The following ZFHX3 variants were observed in gnomAD, a reference collection of about 807,000 sequenced individuals.
ZFHX3 encodes the protein zinc finger homeobox protein 3.
A neutral mutation model predicts 279.1 loss-of-function variants in ZFHX3; 42 were observed. The ratio of observed to expected loss-of-function variants is 0.15; its 90% CI spans 0.12 to 0.19. The LOEUF is 0.19. Among genes scored for constraint, ZFHX3 ranks in the 10% least tolerant of loss-of-function variants. The pLI, the probability that ZFHX3 is intolerant of heterozygous loss-of-function variation, is 1.00. For missense variants in ZFHX3, 4,981 were observed against 4,754.0 expected (o/e 1.05, Z -1.40); for synonymous variants, 2,293 against 1,957.8 (o/e 1.17, Z -4.52).
chr16:73,824,279 A>G lies in ZFHX3; in HGVS notation c.-1608+67372T>C, dbSNP rs78448235. ...TTATCAGGACAGAGTTGCTTGAAGC[A>G]TAGCGTGAGAAACACTGGTCTGAAC... On this transcript the variant is annotated intron_variant, in intron 1 of 17. Coordinates refer to the ZFHX3 transcript ENST00000641206. 2.5e-3 allele frequency among the ~76,000 whole-genome samples: 374 copies of G among 152,208 alleles called. 3 individuals are homozygous for G. Among genetic ancestry groups the G allele is most frequent in the African/African-American group, 8.5e-3 (352 of 41,526 alleles).
chr16:73,544,742 A>G (rs948142181), intron 2 of ZFHX3, among the ~76,000 whole-genome samples: 7 of 152,076 alleles, frequency 4.6e-5, no homozygotes, highest in Non-Finnish European at 1.0e-4. Flanking sequence ...GAAGAATGCC[A>G]GGTAAAGGTG....
chr16:73,638,450 C>T (rs190120100), intron 2 of ZFHX3, among the ~76,000 whole-genome samples: 1 of 152,220 alleles, frequency 6.6e-6, no homozygotes, highest in East Asian at 1.9e-4. Flanking sequence ...TTTAGACATA[C>T]AGTATAAAGG....
chr16:72,966,605 C>G (rs1289673884), intron 1 of ZFHX3, among the ~76,000 whole-genome samples: 1 of 152,174 alleles, frequency 6.6e-6, no homozygotes. Flanking sequence ...CAGGGAATCT[C>G]CTAAGAGAGA....
chr16:73,712,619 T>G (rs921105074), intron 1 of ZFHX3, among the ~76,000 whole-genome samples: 1 of 152,156 alleles, frequency 6.6e-6, no homozygotes, highest in South Asian at 2.1e-4. Context: ...CAGGTGGCCA[T>G]GTCTGGAAGC....
At chr16:73,392,946 C>T (rs530741334) in intron 3 of ZFHX3, among the ~76,000 whole-genome samples, 42 of 152,258 alleles carry the variant, frequency 2.8e-4, no homozygotes, top group African/African-American at 8.4e-4. Context: ...GTCATTCTCC[C>T]GCCTCAGCCT....
intron 5 of ZFHX3, among the ~76,000 whole-genome samples, chr16:73,150,949 T>C (rs943110171): frequency 6.6e-6 from 1 of 152,126 alleles, no homozygotes; most frequent in Non-Finnish European, 1.5e-5. Flanking sequence ...GAAACCGGCA[T>C]CACTCAAACA....
At chr16:72,907,615 T>C (rs1234560823) in intron 3 of ZFHX3, among the ~76,000 whole-genome samples, 30 of 143,724 alleles carry the variant, frequency 2.1e-4, no homozygotes, top group African/African-American at 6.9e-4. Flanking sequence ...GTTGTGTGTA[T>C]GCACACAGGT....
intron 3 of ZFHX3, among the ~76,000 whole-genome samples, chr16:73,319,529 C>A (rs560643891): frequency 6.6e-6 from 1 of 151,690 alleles, no homozygotes; most frequent in Non-Finnish European, 1.5e-5. Flanking sequence ...CATGGAGTCC[C>A]GCTGGGGGAA....
At chr16:73,543,474 G>T (rs2020052922) in intron 2 of ZFHX3, among the ~76,000 whole-genome samples, 1 of 152,066 alleles carries the variant, frequency 6.6e-6, no homozygotes, top group Admixed American at 6.5e-5. Flanking sequence ...TGGAGGCACC[G>T]GCAGGGCCTG....
chr16:73,077,858 G>A (rs1256183425), intron 8 of ZFHX3, among the ~76,000 whole-genome samples: 1 of 152,198 alleles, frequency 6.6e-6, no homozygotes, highest in Non-Finnish European at 1.5e-5. Context: ...AGGCTGAAGT[G>A]CAATGACGTG....
intron 7 of ZFHX3, among the ~76,000 whole-genome samples, chr16:73,130,803 T>A (rs577921691): frequency 6.6e-6 from 1 of 152,352 alleles, no homozygotes; most frequent in African/African-American, 2.4e-5. Flanking sequence ...AGACAGGGTT[T>A]CGCCATGTTG....
At chr16:73,582,642 T>C (rs2051874100) in intron 2 of ZFHX3, among the ~76,000 whole-genome samples, 1 of 151,674 alleles carries the variant, frequency 6.6e-6, no homozygotes, top group Non-Finnish European at 1.5e-5. Context: ...ACCCAGCAAA[T>C]TTTTTGTATT....
At chr16:72,968,937 TA>T (rs1961975909) in intron 1 of ZFHX3, among the ~76,000 whole-genome samples, 1 of 152,138 alleles carries the variant, frequency 6.6e-6, no homozygotes, top group Non-Finnish European at 1.5e-5. Context: ...TATACATACA[TA>T]CACATACACA....
intron 1 of ZFHX3, among the ~76,000 whole-genome samples, chr16:73,003,499 C>T (rs374830468): frequency 6.8e-6 from 1 of 146,984 alleles, no homozygotes; most frequent in East Asian, 2.0e-4. Context: ...ACCAGCCTGG[C>T]CAACATGGTG....
At chr16:73,104,564 C>G (rs1333040541) in intron 7 of ZFHX3, among the ~76,000 whole-genome samples, 2 of 152,104 alleles carry the variant, frequency 1.3e-5, no homozygotes, top group African/African-American at 2.4e-5. Context: ...TTGGGCAAAT[C>G]TCTCAGTGAA....
chr16:73,212,282 A>T (rs1443193070), intron 5 of ZFHX3, among the ~76,000 whole-genome samples: 1 of 152,124 alleles, frequency 6.6e-6, no homozygotes, highest in Non-Finnish European at 1.5e-5. Flanking sequence ...CCTTTTTTAA[A>T]TAAAAAAGAG....
chr16:72,784,938 C>T lies in ZFHX3; in HGVS notation c.*2226G>A, dbSNP rs2035294989. ...AAAAAAGAAAAAAAGAAAAAAAATC[C>T]ATTTTCAGATCTTGGAATGCTCCAG... On this transcript the variant is annotated 3_prime_UTR_variant, in exon 10 of 10. Coordinates refer to ENST00000268489, the MANE Select transcript of ZFHX3 (RefSeq NM_006885.4). 6.6e-6 allele frequency: 1 copy of T among 152,322 alleles called. No homozygotes were observed. Among genetic ancestry groups the T allele is most frequent in the African/African-American group, 2.4e-5 (1 of 41,378 alleles). The allele number at this position is 152,322 out of a possible 1,614,324, so 9.4% of individuals were successfully genotyped here.
At chr16:73,711,979 A>C (rs2053367671) in intron 1 of ZFHX3, among the ~76,000 whole-genome samples, 1 of 152,236 alleles carries the variant, frequency 6.6e-6, no homozygotes, top group African/African-American at 2.4e-5. Flanking sequence ...GGCAGGAAAG[A>C]AGGGGAAGCA....
At chr16:73,795,382 G>C (rs1293020729) in intron 1 of ZFHX3, among the ~76,000 whole-genome samples, 2 of 152,098 alleles carry the variant, frequency 1.3e-5, no homozygotes, top group Non-Finnish European at 2.9e-5. Flanking sequence ...CCATGTTCAG[G>C]GCCAAGACCT....
Sources: gnomAD v4.1 joint callset for allele counts (sites outside exome capture counted in the v4.1 genomes callset) on GRCh38, gnomAD v4.1.1 for gene constraint, MANE v1.5 for transcripts, NCBI Gene and HGNC (gene_info 2026-07-23, HGNC 2026-07-21) for gene names.